CPSF1: variants seen among roughly 807,000 people sequenced by gnomAD.
CPSF1 encodes cleavage and polyadenylation specificity factor subunit 1.
CPSF1 carries 106 observed loss-of-function variants against 175.8 expected under a neutral mutation model. The ratio of observed to expected loss-of-function variants is 0.60; its 90% CI spans 0.52 to 0.71. The LOEUF (loss-of-function observed/expected upper bound fraction) is 0.71. Ranked by LOEUF, CPSF1 falls within the 30% of genes least tolerant of loss-of-function variation. CPSF1 has a pLI of 0.00. For missense variants in CPSF1, 1,734 were observed against 2,022.9 expected, an observed-to-expected ratio of 0.86 and a Z score of 2.74; for synonymous variants, 1,024 against 858.3, an observed-to-expected ratio of 1.19 and a Z score of -3.37.
At position 144,395,281 on chromosome 8, in the gene CPSF1, A is replaced by G. The variant is rs782726811; in HGVS notation, c.3171T>C (p.Phe1057=). Residue 1057 remains phenylalanine (F), a synonymous_variant, in exon 28 of 38, where the codon TTT becomes TTC. Transcript: ENST00000616140. The part of the protein sequence containing the change: ...IPRMTGEEKE[F]ETIERDERYI... ...CGTCACCACCTCTCTCGATGGTCTC[A>G]AACTCCTTCTCCTCGCCAGTCATGC... The G allele has an allele frequency of 5.0e-6, 8 of 1,613,054 alleles. No homozygotes were observed. The African/African-American group carries it at 1.1e-4, about 22-fold the overall frequency.
rs1262470530 is a variant in CPSF1 at position 144,399,846 on chromosome 8, C to T, written c.1054G>A (p.Asp352Asn). 2 of 1,553,132 alleles carry T rather than the reference C, an allele frequency of 1.3e-6. No homozygotes were observed. The highest frequency in any genetic ancestry group is 1.7e-6 in the Non-Finnish European group (2 of 1,149,210). Residue 352 changes from aspartate (D) to asparagine (N), a missense_variant, in exon 11 of 38, where the codon GAC becomes AAC. This residue lies in a region of CPSF1 where 162 missense variants were observed against 169.5 expected (regional missense o/e 0.96). Coordinates refer to ENST00000616140, the MANE Select transcript of CPSF1 (RefSeq NM_013291.3). The surrounding 1 kb of genome is among the most constrained non-coding windows in gnomAD (Gnocchi z 6.4). Reference protein sequence around the residue: ...GEIYVLTLITDGMRSVRAFHF... With the variant: ...GEIYVLTLITNGMRSVRAFHF... Reference sequence around the variant, plus strand: ...AACGCTCGGACACTGCGCATGCCGTCGGTGATGAGGGTCAGCACGTAGCTG... The same window carrying T: ...AACGCTCGGACACTGCGCATGCCGTTGGTGATGAGGGTCAGCACGTAGCTG...
In CPSF1 at chr8:144,393,470, G is replaced by A. The variant is rs781866979; in HGVS notation, c.4266C>T (p.Ile1422=). 22 of 1,558,836 alleles carry A rather than the reference G, an allele frequency of 1.4e-5. No homozygotes were observed. Among genetic ancestry groups the A allele is most frequent in the Admixed American group, 1.9e-5 (1 of 51,384 alleles). ...TMERSELAKK[I]GTTPDIILDD... is the part of the protein sequence containing the mutation. ...CACTCACTATGTCTGGTGTGGTGCC[G>A]ATCTTCTTGGCTAGCTCGCTGCGCT... The change falls in exon 37 of 38, where the codon ATC becomes ATT. Residue 1422 remains isoleucine, a synonymous_variant. Transcript: ENST00000616140.
chr8:144,405,327 C>T (rs2116901513), intron 2 of CPSF1, among the ~76,000 whole-genome samples: 13 of 152,246 alleles, frequency 8.5e-5, no homozygotes, highest in Non-Finnish European at 1.6e-4. Context: ...CATCTAAACA[C>T]CTGGGAATGT....
In CPSF1 at chr8:144,396,878, G is replaced by A; in HGVS notation, c.2644C>T (p.Gln882Ter). The A allele has an allele frequency of 2.5e-6, 4 of 1,614,020 alleles. No homozygotes were observed. The highest frequency in any genetic ancestry group is 3.4e-6 in the Non-Finnish European group (4 of 1,179,988). ...ACTTTGAGATTGCCCTGGCCGAGCT[G>A]AGAGTCGTGGGGGAAGGCCTCGTAG... The part of the protein sequence containing the change: ...LIYEAFPHDS[Q>*]LGQGNLKVRF... The change falls in exon 24 of 38, where the codon CAG (glutamine) becomes TAG (stop). Residue 882 changes from glutamine to a stop codon, truncating the protein, a stop_gained. Transcript: ENST00000616140. LOFTEE classifies it high-confidence loss of function.
Position 144,399,075 on chromosome 8 carries a change from C to T in CPSF1, c.1468-37G>A, listed in dbSNP as rs2116857968. On this transcript the variant is annotated intron_variant, in intron 15 of 37. Coordinates refer to ENST00000616140, the MANE Select transcript of CPSF1 (RefSeq NM_013291.3). This position sits in a 1 kb window ranked among gnomAD's most constrained non-coding sequence, Gnocchi z 6.4. ...TCGGGGGTGAGGACTATGCCCCCCACCCCCCCTCACACTCCAGCCCCTGCC... is the reference window on the plus strand; with the variant it reads ...TCGGGGGTGAGGACTATGCCCCCCATCCCCCCTCACACTCCAGCCCCTGCC... 1.9e-6 allele frequency: 3 copies of T among 1,544,038 alleles called. No individual in the cohort carries two copies. The highest frequency in any genetic ancestry group is 1.4e-5 in the African/African-American group (1 of 72,822).
chr8:144,394,837 G>T, intron 30 of CPSF1, 41 bp from the exon 31 acceptor site: 1 of 1,612,510 alleles, frequency 6.2e-7, no homozygotes, highest in Non-Finnish European at 8.5e-7. Flanking sequence ...CTGTGGGGAT[G>T]GCAGAGGGGC....
chr8:144,404,209 G>A (rs2116897365), intron 2 of CPSF1, among the ~76,000 whole-genome samples: 1 of 151,878 alleles, frequency 6.6e-6, no homozygotes, highest in African/African-American at 2.4e-5. Context: ...GGGGACAAGA[G>A]AGAGACTTGG....
chr8:144,401,174 G>A (rs968803128), intron 5 of CPSF1, 37 bp downstream of exon 5: 1 of 1,549,388 alleles, frequency 6.5e-7, no homozygotes, highest in South Asian at 1.2e-5. Flanking sequence ...GAGGGTGGCT[G>A]GGCGGGGCCT....
chr8:144,408,506 C>T (rs1440830987), intron 2 of CPSF1, among the ~76,000 whole-genome samples: 1 of 152,216 alleles, frequency 6.6e-6, no homozygotes, highest in Non-Finnish European at 1.5e-5. Flanking sequence ...TAGACCTGGC[C>T]TTGTTCCTTG....
chr8:144,395,658 G>A (rs1458392025), intron 26 of CPSF1, 107 bp from the exon 27 acceptor site: 5 of 919,478 alleles, frequency 5.4e-6, no homozygotes, highest in East Asian at 5.2e-5. Flanking sequence ...CTCTGTGGGA[G>A]CAGGGGTGGG....
chr8:144,402,411 G>T (rs1485099539), intron 2 of CPSF1, among the ~76,000 whole-genome samples: 3 of 152,110 alleles, frequency 2.0e-5, no homozygotes, highest in African/African-American at 7.2e-5. Context: ...GGGTTCAAGT[G>T]ATTCTGCCTC....
At chr8:144,396,313 T>A in intron 26 of CPSF1, 35 bp downstream of exon 26, 1 of 1,560,274 alleles carries the variant, frequency 6.4e-7, no homozygotes, top group African/African-American at 1.3e-5. Flanking sequence ...TGGGGCAGCA[T>A]CAGCCAGTGC....
At position 144,398,148 on chromosome 8, in the gene CPSF1, A is replaced by C; in HGVS notation, c.1895-16T>G. The C allele has an allele frequency of 3.3e-6, 5 of 1,536,248 alleles. No individual in the cohort carries two copies. In the South Asian group the frequency reaches 5.0e-5, roughly 15 times the overall value. ...AGCTGATTCACTGTAGGCATGGGGC[A>C]GTCAGCATGCGCCTCCCCACCACCG... On this transcript the variant is annotated splice_polypyrimidine_tract_variant and intron_variant, in intron 19 of 37. Transcript: ENST00000616140.
At chr8:144,397,693 G>C in intron 21 of CPSF1, 32 bp from the exon 22 acceptor site, 1 of 1,565,226 alleles carries the variant, frequency 6.4e-7, no homozygotes, top group Non-Finnish European at 8.7e-7. Flanking sequence ...TGGGCGGCCT[G>C]CCAGCCCCAG....
At chr8:144,397,932 C>G in intron 20 of CPSF1, 22 bp downstream of exon 20, 1 of 1,599,104 alleles carries the variant, frequency 6.3e-7, no homozygotes, top group Non-Finnish European at 8.5e-7. Flanking sequence ...GACAGGAGGG[C>G]GCCGGGAATG....
rs2116855663 is a variant in CPSF1, at chr8:144,398,882, G to T, written c.1549-14C>A. On this transcript the variant is annotated splice_polypyrimidine_tract_variant and intron_variant, in intron 16 of 37. Coordinates refer to ENST00000616140, the MANE Select transcript of CPSF1 (RefSeq NM_013291.3). ...CCGGATGCTCTTCTAGAATGATGAT[G>T]GGGTGGGGGTGTGATGGGGGTGTGA... The T allele has an allele frequency of 5.7e-5, 92 of 1,609,800 alleles. No homozygotes were observed. The highest frequency in any genetic ancestry group is 7.6e-5 in the Non-Finnish European group (90 of 1,177,186).
chr8:144,400,143 C>CCCCCCA, intron 9 of CPSF1, 23 bp downstream of exon 9: 1 of 1,222,610 alleles, frequency 8.2e-7, no homozygotes. Context: ...GGGCCCCCCC[C>CCCCCCA]GCCCCAGCCA....
chr8:144,398,065 G>A lies in CPSF1; in HGVS notation c.1962C>T (p.Pro654=), dbSNP rs370546720. Residue 654 remains proline, a synonymous_variant, in exon 20 of 38, where the codon CCC becomes CCT. Coordinates refer to ENST00000616140, the MANE Select transcript of CPSF1 (RefSeq NM_013291.3). ...CCTCGGCACTCATGATGACCACATAGGGGTCGGCCACGGCGCACTGCACGA... is the reference window on the plus strand; with the variant it reads ...CCTCGGCACTCATGATGACCACATAAGGGTCGGCCACGGCGCACTGCACGA... The part of the protein sequence containing the change: ...APIVQCAVAD[P]YVVIMSAEGH... The A allele has an allele frequency of 4.3e-5, 70 of 1,612,204 alleles. 1 individual carries two copies. Among genetic ancestry groups the A allele is most frequent in the African/African-American group, 4.0e-5 (3 of 74,882 alleles).
Position 144,393,801 on chromosome 8 carries a change from C to T in CPSF1, c.4016-5G>A. On this transcript the variant is annotated splice_region_variant and splice_polypyrimidine_tract_variant and intron_variant, in intron 35 of 37. Transcript: ENST00000616140. ...CGATGCCGCCGTCCAGGGTGGCTGG[C>T]AGGGGTAGGGTGAGGGTTTTGGTGT... The T allele has an allele frequency of 6.3e-7, 1 of 1,599,972 alleles. No individual in the cohort carries two copies. Among genetic ancestry groups the T allele is most frequent in the Non-Finnish European group, 8.5e-7 (1 of 1,178,388 alleles).
Sources: allele counts gnomAD v4.1 joint callset (sites outside exome capture counted in the v4.1 genomes callset), GRCh38; gene constraint gnomAD v4.1.1; regional missense constraint gnomAD v4.1.1; non-coding constraint Gnocchi (gnomAD v3.1); transcripts MANE v1.5; gene names NCBI Gene and HGNC (gene_info 2026-07-23, HGNC 2026-07-21).